Variants in FRMPD2 observed in about 807,000 individuals in gnomAD.
The protein encoded by FRMPD2 is FERM and PDZ domain containing 2.
In FRMPD2, 96 loss-of-function variants were observed where a neutral mutation model predicts 140.1. That is an observed-to-expected ratio of 0.69 (90% CI 0.58 to 0.81). The LOEUF (loss-of-function observed/expected upper bound fraction) is 0.81, where lower values mean the gene tolerates loss of function less well. Among genes scored for constraint, FRMPD2 ranks in the 40% least tolerant of loss-of-function variants. The probability of loss-of-function intolerance (pLI) is 0.00; values close to 1 mark genes in which losing one functional copy is unlikely to be tolerated. For synonymous variants in FRMPD2, 449 were observed against 547.6 expected (o/e 0.82, Z 2.52); for missense variants, 1,240 against 1,447.4 (o/e 0.86, Z 2.32).
chr10:48,248,922 G>C, intron 3 of FRMPD2, 99 bp downstream of exon 3: 1 of 1,098,672 alleles, frequency 9.1e-7, no homozygotes, highest in South Asian at 2.0e-5. Context: ...TGAGAACCAA[G>C]CTCTGCAAGG....
chr10:48,247,251 G>A (rs1030786372), intron 3 of FRMPD2, among the ~76,000 whole-genome samples: 3 of 152,224 alleles, frequency 2.0e-5, no homozygotes, highest in African/African-American at 7.2e-5. Flanking sequence ...ACTCAATGGA[G>A]GCCAACCTGC....
At chr10:48,172,465 C>T (rs1444985200) in intron 25 of FRMPD2, among the ~76,000 whole-genome samples, 2 of 152,196 alleles carry the variant, frequency 1.3e-5, no homozygotes, top group South Asian at 2.1e-4. Context: ...CATCGGAAAA[C>T]GTGCAGTTTT....
intron 15 of FRMPD2, among the ~76,000 whole-genome samples, chr10:48,198,467 C>G (rs899892826): frequency 6.6e-6 from 1 of 152,130 alleles, no homozygotes; most frequent in African/African-American, 2.4e-5. Context: ...ATAGTGTGAA[C>G]AAATGTGAAC....
rs370870691 is a variant in FRMPD2 at position 48,248,932 on chromosome 10, G to C, written c.309+89C>G. On this transcript the variant is annotated intron_variant, in intron 3 of 28. Coordinates refer to ENST00000374201, the MANE Select transcript of FRMPD2 (RefSeq NM_001018071.4). ...GGTGTTGAGAACCAAGCTCTGCAAG[G>C]CTGAGCTGGGAGCTGGGGAGGCTGC... 29 of 1,234,126 alleles carry C rather than the reference G, an allele frequency of 2.3e-5. 1 individual carries two copies. Among genetic ancestry groups the C allele is most frequent in the East Asian group, 1.5e-4 (6 of 40,232 alleles). The allele number at this position is 1,234,126 out of a possible 1,614,324, so 76.4% of individuals were successfully genotyped here.
intron 1 of FRMPD2, among the ~76,000 whole-genome samples, chr10:48,259,496 GTAT>G (rs766209029): frequency 4.6e-5 from 7 of 152,120 alleles, no homozygotes; most frequent in Non-Finnish European, 8.8e-5. Context: ...TAAATTTAAA[GTAT>G]TATGCGCTAT....
At chr10:48,183,678 C>T (rs1838603097) in intron 20 of FRMPD2, among the ~76,000 whole-genome samples, 1 of 151,712 alleles carries the variant, frequency 6.6e-6, no homozygotes, top group South Asian at 2.1e-4. Context: ...TATTGAAACC[C>T]CGTCTCTACT....
intron 9 of FRMPD2, among the ~76,000 whole-genome samples, chr10:48,233,017 C>T (rs569074406): frequency 1.3e-5 from 2 of 152,348 alleles, no homozygotes; most frequent in Admixed American, 6.5e-5. Context: ...ATGTGGCAAA[C>T]TCTTATGGAT....
chr10:48,261,866 C>T (rs930573619), intron 1 of FRMPD2, among the ~76,000 whole-genome samples: 2 of 152,026 alleles, frequency 1.3e-5, no homozygotes, highest in African/African-American at 2.4e-5. Flanking sequence ...GTAATATGTA[C>T]CTGTACTACA....
chr10:48,239,502 C>A, intron 7 of FRMPD2, 103 bp downstream of exon 7: 1 of 750,466 alleles, frequency 1.3e-6, no homozygotes, highest in Non-Finnish European at 2.2e-6. Flanking sequence ...TCTGGAGGAG[C>A]AAGAGGCTTC....
At chr10:48,193,703 C>T (rs991831211) in intron 15 of FRMPD2, among the ~76,000 whole-genome samples, 5 of 152,130 alleles carry the variant, frequency 3.3e-5, no homozygotes, top group South Asian at 2.1e-4. Context: ...AAGGAAAGAA[C>T]GGTCAGACAC....
chr10:48,207,220 A>G (rs1046182824), intron 13 of FRMPD2, among the ~76,000 whole-genome samples: 3 of 152,058 alleles, frequency 2.0e-5, no homozygotes, highest in Non-Finnish European at 2.9e-5. Flanking sequence ...GTTATTATGA[A>G]AATAACACAG....
intron 13 of FRMPD2, among the ~76,000 whole-genome samples, chr10:48,208,829 G>A (rs1350602910): frequency 6.6e-6 from 1 of 152,142 alleles, no homozygotes; most frequent in East Asian, 1.9e-4. Flanking sequence ...CTTACAACAG[G>A]TAGCAAAGTT....
At chr10:48,196,397 C>T (rs1838950938) in intron 15 of FRMPD2, among the ~76,000 whole-genome samples, 1 of 152,186 alleles carries the variant, frequency 6.6e-6, no homozygotes, top group African/African-American at 2.4e-5. Context: ...TTATCCAGGA[C>T]AAGAGTACCA....
chr10:48,258,069 C>T (rs577439433), intron 1 of FRMPD2, among the ~76,000 whole-genome samples: 2 of 152,328 alleles, frequency 1.3e-5, no homozygotes, highest in South Asian at 2.1e-4. Flanking sequence ...CCCAAGGAAT[C>T]GAAGCTCTCA....
intron 1 of FRMPD2, among the ~76,000 whole-genome samples, chr10:48,258,116 G>A (rs879191530): frequency 1.3e-5 from 2 of 152,074 alleles, no homozygotes; most frequent in African/African-American, 4.8e-5. Flanking sequence ...TTGTTCCTTC[G>A]GTCTCTCTTC....
chr10:48,177,043 G>A (rs1393100081), intron 22 of FRMPD2, among the ~76,000 whole-genome samples: 1 of 151,302 alleles, frequency 6.6e-6, no homozygotes, highest in Admixed American at 6.6e-5. Context: ...CCCATCAACA[G>A]TTAAATCCAA....
intron 12 of FRMPD2, among the ~76,000 whole-genome samples, chr10:48,218,644 C>T (rs933740326): frequency 4.6e-5 from 7 of 152,160 alleles, no homozygotes; most frequent in Non-Finnish European, 1.0e-4. Context: ...GGGAAAGAAG[C>T]CCAGGATTTC....
chr10:48,257,042 A>C (rs928816137), intron 1 of FRMPD2, among the ~76,000 whole-genome samples: 2 of 152,154 alleles, frequency 1.3e-5, no homozygotes, highest in Non-Finnish European at 2.9e-5. Flanking sequence ...TGGTCCCTCC[A>C]CAGGCTCTGA....
upstream of FRMPD2, chr10:48,274,852 A>G: frequency 2.2e-6 from 1 of 456,630 alleles, no homozygotes; most frequent in Non-Finnish European, 3.9e-6. Flanking sequence ...GTGACCCGTG[A>G]GAGAGCCAGG....
Sources: allele counts gnomAD v4.1 joint callset (sites outside exome capture counted in the v4.1 genomes callset), GRCh38; gene constraint gnomAD v4.1.1; transcripts MANE v1.5; gene names NCBI Gene and HGNC (gene_info 2026-07-23, HGNC 2026-07-21).